Variants in PIGU observed in about 807,000 individuals in gnomAD.
PIGU encodes the protein GPI-anchor transamidase component PIGU.
A neutral mutation model predicts 49.9 loss-of-function variants in PIGU; 24 were observed. The ratio of observed to expected loss-of-function variants is 0.48; its 90% CI spans 0.35 to 0.68. The LOEUF (loss-of-function observed/expected upper bound fraction) is 0.68, where lower values mean the gene tolerates loss of function less well. PIGU is among the 30% of genes least tolerant of loss of function. The pLI, the probability that PIGU is intolerant of heterozygous loss-of-function variation, is 0.01. For synonymous variants in PIGU, 220 were observed against 205.7 expected (o/e 1.07, Z -0.59); for missense variants, 490 against 532.6 (o/e 0.92, Z 0.79).
At chr20:34,603,380 C>A (rs999331313) in intron 7 of PIGU, among the ~76,000 whole-genome samples, 5 of 152,082 alleles carry the variant, frequency 3.3e-5, no homozygotes, top group African/African-American at 1.2e-4. Context: ...CTGTCACCTA[C>A]TATATGGTTA....
chr20:34,585,369 A>G, intron 9 of PIGU, 68 bp downstream of exon 9: 1 of 1,528,430 alleles, frequency 6.5e-7, no homozygotes, highest in Non-Finnish European at 8.9e-7. Context: ...GCCACCCTCA[A>G]GGCTACTAGA....
chr20:34,661,356 C>G (rs1327012000), intron 1 of PIGU, among the ~76,000 whole-genome samples: 1 of 152,108 alleles, frequency 6.6e-6, no homozygotes, highest in South Asian at 2.1e-4. Context: ...CATCTTCACC[C>G]TCCTCCCACC....
At chr20:34,617,496 A>G (rs1985057638) in intron 6 of PIGU, among the ~76,000 whole-genome samples, 1 of 152,264 alleles carries the variant, frequency 6.6e-6, no homozygotes, top group Non-Finnish European at 1.5e-5. Context: ...TGAGGCCTGT[A>G]GCCCCTTTGG....
intron 1 of PIGU, among the ~76,000 whole-genome samples, chr20:34,661,520 T>C (rs1185070520): frequency 6.6e-6 from 1 of 152,096 alleles, no homozygotes; most frequent in African/African-American, 2.4e-5. Context: ...GCTCCATCCA[T>C]GTTGGTGCAA....
chr20:34,583,083 G>T (rs984997246), intron 9 of PIGU, among the ~76,000 whole-genome samples: 1 of 152,190 alleles, frequency 6.6e-6, no homozygotes, highest in African/African-American at 2.4e-5. Context: ...TGACTCAATG[G>T]GTATGAATCT....
intron 11 of PIGU, among the ~76,000 whole-genome samples, chr20:34,574,307 C>A (rs1326444839): frequency 1.3e-5 from 2 of 152,224 alleles, no homozygotes; most frequent in Non-Finnish European, 2.9e-5. Context: ...ATTGAATCAA[C>A]ATTTCTGGGA....
chr20:34,669,751 T>C (rs930775918), intron 1 of PIGU, among the ~76,000 whole-genome samples: 2 of 151,658 alleles, frequency 1.3e-5, no homozygotes, highest in African/African-American at 4.8e-5. Context: ...ATAGAGATGA[T>C]AGAGGAACAT....
intron 2 of PIGU, among the ~76,000 whole-genome samples, chr20:34,650,994 G>A (rs1420294706): frequency 6.6e-6 from 1 of 152,024 alleles, no homozygotes; most frequent in African/African-American, 2.4e-5. Flanking sequence ...GATTACAGAT[G>A]TGAGCCACCA....
chr20:34,612,362 G>A (rs1023870987), intron 7 of PIGU, among the ~76,000 whole-genome samples: 3 of 152,000 alleles, frequency 2.0e-5, no homozygotes, highest in Admixed American at 1.3e-4. Flanking sequence ...CATGGGGTGG[G>A]GGACAAGGTG....
chr20:34,643,601 AAAG>A (rs1050529101), intron 4 of PIGU: 1 of 152,328 alleles, frequency 6.6e-6, no homozygotes, highest in African/African-American at 2.4e-5. Context: ...GACCCCAGGA[AAAG>A]AAGAATGGTC....
At chr20:34,606,158 G>A (rs962980859) in intron 7 of PIGU, among the ~76,000 whole-genome samples, 4 of 151,558 alleles carry the variant, frequency 2.6e-5, no homozygotes, top group African/African-American at 9.7e-5. Context: ...GGGAGGCTGA[G>A]GCAGGAGAAT....
At position 34,676,940 on chromosome 20, in the gene PIGU, G is replaced by A. The variant is rs573867155; in HGVS notation, c.130+16C>T. The A allele has an allele frequency of 8.3e-6, 13 of 1,562,978 alleles. No individual in the cohort carries two copies. The highest frequency in any genetic ancestry group is 1.2e-5 in the South Asian group (1 of 84,962). On this transcript the variant is annotated intron_variant, in intron 1 of 11. Coordinates refer to ENST00000217446, the MANE Select transcript of PIGU (RefSeq NM_080476.5). ...GCAGGTGGGGCCTGACAGTCTGCTC[G>A]AGCCAGTGGCCTCACCTCTCTTCCA... is the stretch of plus-strand genomic sequence containing the variant.
rs759103027 is a variant in PIGU at position 34,655,968 on chromosome 20, CTT to C, written c.195+1210_195+1211del. 1.1e-3 allele frequency among the ~76,000 whole-genome samples: 82 copies of C among 76,770 alleles called. 3 individuals carry two copies. Among genetic ancestry groups the C allele is most frequent in the East Asian group, 2.6e-3 (7 of 2,670 alleles). The allele number at this position is 76,770 out of a possible 152,430, so 50.4% of individuals were successfully genotyped here. ...CCTAATTAAGAGTGTTTTCACTATT[CTT>C]TTTTTTTTTTTTTTTTTTTTTGAGA... On this transcript the variant is annotated intron_variant, in intron 2 of 11. Transcript: ENST00000217446.
chr20:34,650,730 T>TTTTTTTTTA (rs1986517203), intron 2 of PIGU, among the ~76,000 whole-genome samples: 1 of 99,826 alleles, frequency 1.0e-5, no homozygotes, highest in African/African-American at 3.9e-5. Flanking sequence ...TTTTTTTTTT[T>TTTTTTTTTA]TGAGAAGGAG....
intron 1 of PIGU, among the ~76,000 whole-genome samples, chr20:34,665,449 C>G (rs553080610): frequency 6.6e-6 from 1 of 151,476 alleles, no homozygotes; most frequent in South Asian, 2.1e-4. Context: ...GTGATCCGCC[C>G]GCCTCGGCCT....
chr20:34,642,604 C>T (rs1986199603), intron 4 of PIGU, among the ~76,000 whole-genome samples: 1 of 149,914 alleles, frequency 6.7e-6, no homozygotes, highest in South Asian at 2.1e-4. Flanking sequence ...ATGAAAGCTA[C>T]CAATCCTGCC....
At chr20:34,563,489 A>C (rs1982615416) in intron 11 of PIGU, among the ~76,000 whole-genome samples, 1 of 152,172 alleles carries the variant, frequency 6.6e-6, no homozygotes, top group Non-Finnish European at 1.5e-5. Flanking sequence ...AATGGTTTGA[A>C]CCTGGGAGGC....
intron 1 of PIGU, among the ~76,000 whole-genome samples, chr20:34,669,682 A>AT (rs1555804342): frequency 6.6e-6 from 1 of 151,120 alleles, no homozygotes; most frequent in Non-Finnish European, 1.5e-5. Context: ...AAAAAAAAAA[A>AT]GTAAAAAACA....
chr20:34,613,199 T>C (rs1984884763), intron 7 of PIGU, among the ~76,000 whole-genome samples: 1 of 152,132 alleles, frequency 6.6e-6, no homozygotes, highest in Non-Finnish European at 1.5e-5. Context: ...TGACTTGATC[T>C]AGTACAATGT....
Sources: gnomAD v4.1 joint callset for allele counts (sites outside exome capture counted in the v4.1 genomes callset) on GRCh38, gnomAD v4.1.1 for gene constraint, MANE v1.5 for transcripts, NCBI Gene and HGNC (gene_info 2026-07-23, HGNC 2026-07-21) for gene names.